The following ERBB4 variants were observed in gnomAD, a reference collection of about 807,000 sequenced individuals.
The protein encoded by ERBB4 is receptor tyrosine-protein kinase erbB-4.
In ERBB4, 42 loss-of-function variants were observed where a neutral mutation model predicts 158.0. That is an observed-to-expected ratio of 0.27 (90% confidence interval 0.21 to 0.34). ERBB4 has a LOEUF of 0.34. ERBB4 is among the 10% of genes least tolerant of loss of function. The probability of loss-of-function intolerance (pLI) is 1.00; values close to 1 mark genes in which losing one functional copy is unlikely to be tolerated. For synonymous variants in ERBB4, 583 were observed against 558.7 expected (o/e 1.04, Z -0.61); for missense variants, 1,333 against 1,624.1 (o/e 0.82, Z 3.08).
chr2:211,697,640 T>G (rs925792405), intron 12 of ERBB4, among the ~76,000 whole-genome samples: 13 of 152,282 alleles, frequency 8.5e-5, no homozygotes, highest in African/African-American at 2.4e-4. Flanking sequence ...ATTTACAAGA[T>G]TTAAAAAAAG....
chr2:211,869,003 T>G (rs1233850906), intron 3 of ERBB4, among the ~76,000 whole-genome samples: 1 of 152,220 alleles, frequency 6.6e-6, no homozygotes, highest in Non-Finnish European at 1.5e-5. Flanking sequence ...TGTTGCTCCC[T>G]ACATAAAAAT....
chr2:212,384,218 G>C (rs2090600530), intron 1 of ERBB4, among the ~76,000 whole-genome samples: 1 of 151,648 alleles, frequency 6.6e-6, no homozygotes, highest in South Asian at 2.1e-4. Context: ...AAGTTTATGA[G>C]AACAATTTAA....
At chr2:212,318,176 A>G (rs1040006432) in intron 1 of ERBB4, among the ~76,000 whole-genome samples, 1 of 151,570 alleles carries the variant, frequency 6.6e-6, no homozygotes, top group Non-Finnish European at 1.5e-5. Flanking sequence ...AGCCGGTAAG[A>G]GGGAAAGGCA....
At chr2:212,264,677 T>A (rs969971801) in intron 1 of ERBB4, among the ~76,000 whole-genome samples, 45 of 152,158 alleles carry the variant, frequency 3.0e-4, no homozygotes, top group African/African-American at 1.0e-3. Context: ...ATAAATATTA[T>A]AAAATGGGAA....
intron 8 of ERBB4, 139 bp downstream of exon 8, chr2:211,713,394 CTG>C: frequency 1.5e-6 from 1 of 674,692 alleles, no homozygotes; most frequent in South Asian, 1.6e-5. Context: ...TTTTGAGTAA[CTG>C]TTCAAAATTA....
chr2:212,284,830 T>C (rs562531315), intron 1 of ERBB4, among the ~76,000 whole-genome samples: 163 of 152,218 alleles, frequency 1.1e-3, no homozygotes, highest in African/African-American at 3.7e-3. Context: ...AATAACAGGA[T>C]GGCTGGCAGA....
At chr2:211,716,263 G>A (rs1337271387) in intron 7 of ERBB4, among the ~76,000 whole-genome samples, 1 of 149,344 alleles carries the variant, frequency 6.7e-6, no homozygotes, top group African/African-American at 2.5e-5. Context: ...TAGGGAGACT[G>A]AGGCAGGAGA....
At chr2:211,762,688 A>G (rs967392711) in intron 4 of ERBB4, among the ~76,000 whole-genome samples, 1 of 152,204 alleles carries the variant, frequency 6.6e-6, no homozygotes, top group Non-Finnish European at 1.5e-5. Context: ...GTGGTGTCAC[A>G]TTTGAGAAAC....
At chr2:211,780,911 G>A (rs2106300232) in intron 4 of ERBB4, among the ~76,000 whole-genome samples, 1 of 152,060 alleles carries the variant, frequency 6.6e-6, no homozygotes, top group Non-Finnish European at 1.5e-5. Flanking sequence ...ATAATTTAGG[G>A]TTTTATTTAA....
chr2:212,286,767 ATTTT>A (rs748586400), intron 1 of ERBB4, among the ~76,000 whole-genome samples: 4 of 39,562 alleles, frequency 1.0e-4, no homozygotes, highest in African/African-American at 2.2e-4. Context: ...ATGAGGGTTA[ATTTT>A]TTTTTTTTTT....
chr2:212,391,648 ATATAT>A (rs1043830859), intron 1 of ERBB4, among the ~76,000 whole-genome samples: 56 of 142,606 alleles, frequency 3.9e-4, no homozygotes, highest in East Asian at 3.2e-3. Context: ...ATATAATATT[ATATAT>A]TATATTATGT....
At chr2:211,494,962 T>C (rs1267821527) in intron 20 of ERBB4, among the ~76,000 whole-genome samples, 1 of 152,090 alleles carries the variant, frequency 6.6e-6, no homozygotes, top group Non-Finnish European at 1.5e-5. Flanking sequence ...ACATAGCTGG[T>C]TATATAGAAT....
intron 4 of ERBB4, among the ~76,000 whole-genome samples, chr2:211,783,021 C>T (rs895658997): frequency 1.6e-4 from 8 of 50,478 alleles, no homozygotes; most frequent in African/African-American, 3.3e-4. Flanking sequence ...AATGTTCTTC[C>T]ATTTGTGTCC....
At chr2:211,409,878 A>C (rs1483445454) in intron 25 of ERBB4, among the ~76,000 whole-genome samples, 1 of 152,166 alleles carries the variant, frequency 6.6e-6, no homozygotes, top group Non-Finnish European at 1.5e-5. Flanking sequence ...AAGGGTTTAC[A>C]CTAGAATGTC....
chr2:211,826,945 G>C (rs2077112131), intron 3 of ERBB4, among the ~76,000 whole-genome samples: 1 of 151,826 alleles, frequency 6.6e-6, no homozygotes, highest in African/African-American at 2.4e-5. Flanking sequence ...CTTCCCTTTT[G>C]CATGTGTGTA....
chr2:211,888,842 G>T (rs961269814), intron 3 of ERBB4, among the ~76,000 whole-genome samples: 5 of 151,622 alleles, frequency 3.3e-5, no homozygotes, highest in South Asian at 4.2e-4. Context: ...TTTTCAGACC[G>T]GCTTAAAAAA....
At chr2:212,101,072 T>C (rs1485766312) in intron 2 of ERBB4, among the ~76,000 whole-genome samples, 1 of 152,002 alleles carries the variant, frequency 6.6e-6, no homozygotes, top group South Asian at 2.1e-4. Context: ...AAGGGACCAG[T>C]TCTTGATAGA....
At chr2:211,533,610 G>A (rs2066563303) in intron 20 of ERBB4, among the ~76,000 whole-genome samples, 1 of 152,006 alleles carries the variant, frequency 6.6e-6, no homozygotes, top group South Asian at 2.1e-4. Context: ...CTTGTCACTG[G>A]AAATATTTAA....
intron 5 of ERBB4, among the ~76,000 whole-genome samples, chr2:211,743,483 C>T (rs1181206724): frequency 6.6e-6 from 1 of 152,142 alleles, no homozygotes; most frequent in African/African-American, 2.4e-5. Flanking sequence ...AAAGGACATG[C>T]AGTATCTACT....
Sources: allele counts gnomAD v4.1 joint callset (sites outside exome capture counted in the v4.1 genomes callset), GRCh38; gene constraint gnomAD v4.1.1; transcripts MANE v1.5; gene names NCBI Gene and HGNC (gene_info 2026-07-23, HGNC 2026-07-21).